The following HMGB1 variants were observed in gnomAD, a reference collection of about 807,000 sequenced individuals.
The protein encoded by HMGB1 is high mobility group box 1.
For missense variants in HMGB1, 79 were observed against 253.5 expected (o/e 0.31, Z 4.67); for synonymous variants, 81 against 84.0 (o/e 0.96, Z 0.19).
intron 1 of HMGB1, among the ~76,000 whole-genome samples, chr13:30,563,663 C>T (rs1439660335): frequency 1.3e-5 from 2 of 152,220 alleles, no homozygotes; most frequent in Non-Finnish European, 2.9e-5. Flanking sequence ...TCTTTTGGTA[C>T]ATTACAGCCA....
chr13:30,596,601 T>C (rs1037300944), intron 1 of HMGB1, among the ~76,000 whole-genome samples: 2 of 152,224 alleles, frequency 1.3e-5, no homozygotes, highest in South Asian at 2.1e-4. Flanking sequence ...CTAGAACCTG[T>C]TGAAATAGGC....
intron 3 of HMGB1, 101 bp downstream of exon 3, chr13:30,463,102 TTTGA>T (rs1285505597): frequency 1.7e-5 from 20 of 1,151,520 alleles, no homozygotes; most frequent in Middle Eastern, 2.9e-4. Flanking sequence ...GCTAAGAAAC[TTTGA>T]TTGTACATTT....
At chr13:30,606,384 A>G (rs569592473) in intron 1 of HMGB1, among the ~76,000 whole-genome samples, 2 of 152,326 alleles carry the variant, frequency 1.3e-5, no homozygotes, top group East Asian at 3.8e-4. Context: ...TATACCCTAT[A>G]TTCAGAAAAA....
In HMGB1 at chr13:30,475,249, G is replaced by T. The variant is rs548693142; in HGVS notation, c.-14-11555C>A. Among the ~76,000 whole-genome samples, 6 of 142,280 alleles carry T rather than the reference G, an allele frequency of 4.2e-5. No individual in the cohort carries two copies. The South Asian group carries it at 8.9e-4, about 21-fold the overall frequency. The allele number at this position is 142,280 out of a possible 152,430, so 93.3% of individuals were successfully genotyped here. A position where few individuals can be genotyped will look rare whatever the true frequency, so the allele number is the denominator to read the frequency against. On this transcript the variant is annotated intron_variant, in intron 1 of 4. Coordinates refer to the HMGB1 transcript ENST00000405805. ...TCTTTTTTTTTTTTTTTGAGATAGG[G>T]TCTCACCTAGGCTGGAGTGCAGTGG... is the stretch of plus-strand genomic sequence containing the variant.
chr13:30,537,652 CATAT>C (rs58424009), intron 1 of HMGB1, among the ~76,000 whole-genome samples: 2,891 of 67,404 alleles, frequency 0.043, 37 homozygotes, highest in Middle Eastern at 0.094. Context: ...CATTCTTGTT[CATAT>C]ATATATATAT....
chr13:30,593,541 C>T (rs1435291246), intron 1 of HMGB1, among the ~76,000 whole-genome samples: 2 of 152,160 alleles, frequency 1.3e-5, no homozygotes, highest in African/African-American at 2.4e-5. Flanking sequence ...GTTGTCGAAC[C>T]ACCCATCTAT....
intron 1 of HMGB1, among the ~76,000 whole-genome samples, chr13:30,601,843 G>T (rs889943762): frequency 1.4e-5 from 2 of 146,480 alleles, no homozygotes; most frequent in South Asian, 2.2e-4. Flanking sequence ...AAGTTGAAAT[G>T]AATTAATCCA....
At chr13:30,483,045 C>T (rs780513588) in intron 1 of HMGB1, among the ~76,000 whole-genome samples, 7 of 152,046 alleles carry the variant, frequency 4.6e-5, no homozygotes, top group East Asian at 1.9e-4. Context: ...CCTCCTGCCT[C>T]GGCCTCCTAA....
intron 1 of HMGB1, among the ~76,000 whole-genome samples, chr13:30,492,994 C>CAAAAAAAAAAAAAAAAAA (rs1022752871): frequency 4.9e-5 from 2 of 40,454 alleles, no homozygotes; most frequent in African/African-American, 1.0e-4. Flanking sequence ...GACTACATCT[C>CAAAAAAAAAAAAAAAAAA]AAAAAAAAAA....
At chr13:30,564,352 C>A (rs1205219030) in intron 1 of HMGB1, among the ~76,000 whole-genome samples, 2 of 151,148 alleles carry the variant, frequency 1.3e-5, no homozygotes, top group Non-Finnish European at 2.9e-5. Context: ...ACTCGGGAGG[C>A]TGACTCGGGA....
chr13:30,462,074 A>G (rs945489830), intron 4 of HMGB1, among the ~76,000 whole-genome samples: 1 of 152,244 alleles, frequency 6.6e-6, no homozygotes, highest in Non-Finnish European at 1.5e-5. Flanking sequence ...AGATTTCCTT[A>G]ATCTTATTAA....
intron 1 of HMGB1, among the ~76,000 whole-genome samples, chr13:30,488,836 A>G (rs1887424133): frequency 6.6e-6 from 1 of 151,942 alleles, no homozygotes; most frequent in Non-Finnish European, 1.5e-5. Context: ...CAATTATGGG[A>G]AACTTAAAGA....
intron 1 of HMGB1, among the ~76,000 whole-genome samples, chr13:30,596,629 T>A (rs1007471496): frequency 6.6e-6 from 1 of 152,250 alleles, no homozygotes; most frequent in East Asian, 1.9e-4. Context: ...AAACCCAGAC[T>A]AAGGCACATT....
intron 1 of HMGB1, among the ~76,000 whole-genome samples, chr13:30,611,352 T>TG (rs1477995926): frequency 1.3e-5 from 2 of 152,156 alleles, no homozygotes; most frequent in Non-Finnish European, 2.9e-5. Context: ...TTAGTAGAGA[T>TG]GGGGTTTCAC....
At chr13:30,473,671 A>G (rs1472805160) in intron 1 of HMGB1, among the ~76,000 whole-genome samples, 1 of 152,242 alleles carries the variant, frequency 6.6e-6, no homozygotes, top group Non-Finnish European at 1.5e-5. Flanking sequence ...GTAAACGGGC[A>G]GGTGTTTTGG....
At chr13:30,603,801 T>C (rs994300282) in intron 1 of HMGB1, among the ~76,000 whole-genome samples, 1 of 152,224 alleles carries the variant, frequency 6.6e-6, no homozygotes, top group Non-Finnish European at 1.5e-5. Context: ...TAGTTTATAA[T>C]ACCTCATACG....
At chr13:30,522,126 T>TGG (rs1566014043) in intron 1 of HMGB1, among the ~76,000 whole-genome samples, 1 of 148,294 alleles carries the variant, frequency 6.7e-6, no homozygotes, top group South Asian at 2.2e-4. Context: ...TTTTTTTTTT[T>TGG]GGGCAAGACA....
chr13:30,555,690 T>A (rs1869657122), intron 1 of HMGB1, among the ~76,000 whole-genome samples: 1 of 152,238 alleles, frequency 6.6e-6, no homozygotes, highest in Non-Finnish European at 1.5e-5. Context: ...ATATATTGTC[T>A]AAATTTCAGG....
chr13:30,603,577 A>T (rs754187418), intron 1 of HMGB1, among the ~76,000 whole-genome samples: 5 of 152,194 alleles, frequency 3.3e-5, no homozygotes, highest in Non-Finnish European at 5.9e-5. Flanking sequence ...CTAAAAAGTC[A>T]TCCCTCAGTA....
Sources: allele counts gnomAD v4.1 joint callset (sites outside exome capture counted in the v4.1 genomes callset), GRCh38; gene constraint gnomAD v4.1.1; transcripts MANE v1.5; gene names NCBI Gene and HGNC (gene_info 2026-07-23, HGNC 2026-07-21).